SFI1: variants seen among roughly 807,000 people sequenced by gnomAD.
SFI1 encodes the protein SFI1 centrin binding protein, also known as protein SFI1 homolog.
SFI1 carries 195 observed loss-of-function variants against 207.5 expected under a neutral mutation model. The observed-to-expected ratio is 0.94, with a 90% confidence interval of 0.84 to 1.06. The LOEUF (loss-of-function observed/expected upper bound fraction) is 1.06. Ranked by LOEUF, SFI1 falls within the 50% of genes least tolerant of loss-of-function variation. The pLI, the probability that SFI1 is intolerant of heterozygous loss-of-function variation, is 0.00. For synonymous variants in SFI1, 630 were observed against 598.9 expected (o/e 1.05, Z -0.76); for missense variants, 1,634 against 1,588.0 (o/e 1.03, Z -0.49).
Position 31,613,584 on chromosome 22 carries a change from C to A in SFI1, c.2743-18C>A. On this transcript the variant is annotated intron_variant, in intron 26 of 32. Transcript: ENST00000400288. ...GCAGGCAGGGTGTGGCATGAGCTGA[C>A]CAGAGGCTGTGTTGTAGGCGGCTCA... The A allele has an allele frequency of 6.3e-7, 1 of 1,577,582 alleles. No homozygotes were observed. The highest frequency in any genetic ancestry group is 8.6e-7 in the Non-Finnish European group (1 of 1,160,120).
intron 2 of SFI1, among the ~76,000 whole-genome samples, chr22:31,528,446 G>A (rs1234667370): frequency 6.6e-6 from 1 of 152,088 alleles, no homozygotes; most frequent in South Asian, 2.1e-4. Context: ...ACTGTGTTAG[G>A]CCTAATGACT....
At chr22:31,557,736 G>A (rs955660178) in intron 7 of SFI1, among the ~76,000 whole-genome samples, 2 of 152,146 alleles carry the variant, frequency 1.3e-5, no homozygotes, top group Non-Finnish European at 2.9e-5. Flanking sequence ...GCTCAGAGAG[G>A]TTGAGTAACT....
chr22:31,514,228 G>A (rs927375739), intron 2 of SFI1, among the ~76,000 whole-genome samples: 14 of 151,628 alleles, frequency 9.2e-5, no homozygotes, highest in Non-Finnish European at 1.8e-4. Context: ...TCAACTGGCC[G>A]GGTGCGGTGG....
At chr22:31,585,168 G>A in intron 14 of SFI1, 34 bp downstream of exon 14, 1 of 1,567,254 alleles carries the variant, frequency 6.4e-7, no homozygotes, top group Non-Finnish European at 8.8e-7. Flanking sequence ...AGCTCTACTG[G>A]CTTACATTCT....
At chr22:31,566,902 A>G (rs888436895) in intron 8 of SFI1, among the ~76,000 whole-genome samples, 4 of 151,976 alleles carry the variant, frequency 2.6e-5, no homozygotes, top group African/African-American at 4.8e-5. Flanking sequence ...AACAAAGCCT[A>G]TTAGGAATTT....
At chr22:31,573,262 T>G in intron 9 of SFI1, 48 bp downstream of exon 9, 1 of 1,596,050 alleles carries the variant, frequency 6.3e-7, no homozygotes, top group South Asian at 1.1e-5. Flanking sequence ...TGGTCACAGT[T>G]TCACTCTCCT....
In SFI1 at chr22:31,615,207, A is replaced by C. The variant is rs767161964; in HGVS notation, c.3228A>C (p.Ala1076=). 1 of 1,579,066 alleles carries C rather than the reference A, an allele frequency of 6.3e-7. No individual in the cohort carries two copies. The highest frequency in any genetic ancestry group is 1.1e-5 in the South Asian group (1 of 88,562). ...SAPGPKQPPT[A]STGPELLLLP... is the part of the protein sequence containing the mutation. ...CTGGCCCGAAGCAGCCCCCGACGGC[A>C]AGCACAGGCCCGGAGCTGCTGCTGC... Residue 1076 remains alanine (A), a synonymous_variant, in exon 29 of 33, where the codon GCA becomes GCC. Transcript: ENST00000400288.
At chr22:31,519,954 A>T (rs1444742487) in intron 2 of SFI1, among the ~76,000 whole-genome samples, 2 of 150,770 alleles carry the variant, frequency 1.3e-5, no homozygotes, top group Non-Finnish European at 3.0e-5. Flanking sequence ...TTTGGTAGAG[A>T]TGGGGTTTCA....
At chr22:31,564,906 C>T (rs1157523762) in intron 8 of SFI1, among the ~76,000 whole-genome samples, 16 of 150,048 alleles carry the variant, frequency 1.1e-4, no homozygotes, top group African/African-American at 3.9e-4. Flanking sequence ...CTCCGCCTCC[C>T]GGGTTCACGT....
intron 2 of SFI1, among the ~76,000 whole-genome samples, chr22:31,515,638 C>T (rs1353257289): frequency 6.6e-6 from 1 of 151,816 alleles, no homozygotes; most frequent in Non-Finnish European, 1.5e-5. Context: ...TCCTGCCTCA[C>T]CCTCCCAAAG....
At chr22:31,581,593 C>T (rs778085920) in intron 12 of SFI1, among the ~76,000 whole-genome samples, 3 of 152,044 alleles carry the variant, frequency 2.0e-5, no homozygotes, top group Non-Finnish European at 2.9e-5. Flanking sequence ...TGCCCGGCCC[C>T]AATAGGAGGC....
At chr22:31,531,629 C>T (rs976585961) in intron 4 of SFI1, among the ~76,000 whole-genome samples, 1 of 152,100 alleles carries the variant, frequency 6.6e-6, no homozygotes, top group Non-Finnish European at 1.5e-5. Flanking sequence ...CATGGTGGCT[C>T]ATGCCTGTAA....
In SFI1 at chr22:31,613,668, C is replaced by G; in HGVS notation, c.2809C>G (p.Arg937Gly). The change falls in exon 27 of 33, where the codon CGG (arginine) becomes GGG (glycine). Residue 937 changes from arginine to glycine, a missense_variant. Physicochemically the swap from Arg to Gly is moderately radical, Grantham distance 125. Coordinates refer to ENST00000400288, the MANE Select transcript of SFI1 (RefSeq NM_001007467.3). ...GCTCTGGAAACAGAAAGTGCTGGGC[C>G]GGGGCGGGAAGCCTCAGCCCCTGGC... The part of the protein sequence containing the change: ...ATLWKQKVLG[R>G]GGKPQPLAAI... 1.2e-6 allele frequency: 2 copies of G among 1,608,712 alleles called. No homozygotes were observed. The highest frequency in any genetic ancestry group is 1.7e-6 in the Non-Finnish European group (2 of 1,177,102).
chr22:31,549,118 C>T (rs1324063028), intron 5 of SFI1, among the ~76,000 whole-genome samples: 2 of 151,212 alleles, frequency 1.3e-5, no homozygotes, highest in African/African-American at 4.9e-5. Flanking sequence ...CAAAATCCCC[C>T]TCTACAAAAA....
Position 31,512,385 on chromosome 22 carries a change from A to T in SFI1, c.92+4009A>T, listed in dbSNP as rs139077010. 3.0e-3 allele frequency among the ~76,000 whole-genome samples: 450 copies of T among 152,252 alleles called. 1 individual carries two copies. Among genetic ancestry groups the T allele is most frequent in the African/African-American group, 0.011 (438 of 41,562 alleles). On this transcript the variant is annotated intron_variant, in intron 2 of 32. Transcript: ENST00000400288. ...AAAAAAAAAAAATTACATGGTAAGA[A>T]TATTTCAGTTTATCTATTTTGCTGA...
In SFI1 at chr22:31,572,122, G is replaced by A. The variant is rs910411033; in HGVS notation, c.766-936G>A. Among the ~76,000 whole-genome samples, 9 of 152,216 alleles carry A rather than the reference G, an allele frequency of 5.9e-5. 1 individual carries two copies. In the South Asian group the frequency reaches 1.7e-3, roughly 28 times the overall value. On this transcript the variant is annotated intron_variant, in intron 8 of 32. Transcript: ENST00000400288. ...GCAGGAAAGAGAGAAGACAGAGCCC[G>A]TGGGCAGGTGGGTAGTTAAACATGG... is the stretch of plus-strand genomic sequence containing the variant.
chr22:31,568,923 T>G (rs1383698780), intron 8 of SFI1, among the ~76,000 whole-genome samples: 1 of 152,136 alleles, frequency 6.6e-6, no homozygotes, highest in Non-Finnish European at 1.5e-5. Context: ...ATTCATGCAT[T>G]TGAAATAATT....
At chr22:31,512,898 G>C (rs2055831041) in intron 2 of SFI1, among the ~76,000 whole-genome samples, 1 of 152,128 alleles carries the variant, frequency 6.6e-6, no homozygotes, top group Admixed American at 6.6e-5. Flanking sequence ...ATGTTAGCCA[G>C]GATGGTCTTG....
chr22:31,500,601 GCACC>G (rs1441214520), intron 1 of SFI1, among the ~76,000 whole-genome samples: 2 of 151,796 alleles, frequency 1.3e-5, no homozygotes, highest in South Asian at 2.1e-4. Flanking sequence ...GGAATTACAG[GCACC>G]TGCCACTACA....
Sources: gnomAD v4.1 joint callset for allele counts (sites outside exome capture counted in the v4.1 genomes callset) on GRCh38, gnomAD v4.1.1 for gene constraint, MANE v1.5 for transcripts, NCBI Gene and HGNC (gene_info 2026-07-23, HGNC 2026-07-21) for gene names.